EPHB2: variants seen among roughly 807,000 people sequenced by gnomAD.
EPHB2 encodes EPH receptor B2.
EPHB2 carries 18 observed loss-of-function variants against 96.4 expected under a neutral mutation model. The observed-to-expected ratio is 0.19, with a 90% confidence interval of 0.13 to 0.28. EPHB2 has a LOEUF of 0.28. Ranked by LOEUF, EPHB2 falls within the 10% of genes least tolerant of loss-of-function variation. The pLI is 1.00. For synonymous variants in EPHB2, 506 were observed against 534.1 expected, an observed-to-expected ratio of 0.95 and a Z score of 0.72; for missense variants, 989 against 1,355.4, an observed-to-expected ratio of 0.73 and a Z score of 4.25.
intron 3 of EPHB2, among the ~76,000 whole-genome samples, chr1:22,834,221 T>TC (rs1338508122): frequency 6.6e-6 from 1 of 152,026 alleles, no homozygotes; most frequent in Non-Finnish European, 1.5e-5. Context: ...TTACACTTTT[T>TC]CCCCCTCAGA....
intron 5 of EPHB2, among the ~76,000 whole-genome samples, chr1:22,882,088 A>T (rs1417519176): frequency 6.6e-6 from 1 of 152,108 alleles, no homozygotes; most frequent in Non-Finnish European, 1.5e-5. Context: ...ACTGTCTCTC[A>T]ACTTGATGTG....
chr1:22,854,511 C>T (rs1044844236), intron 3 of EPHB2, among the ~76,000 whole-genome samples: 2 of 152,042 alleles, frequency 1.3e-5, no homozygotes, highest in African/African-American at 4.8e-5. Context: ...GAACCTGTCT[C>T]AAAAGAAAGA....
chr1:22,906,202 G>A lies in EPHB2; in HGVS notation c.1888+93G>A, dbSNP rs1639909861. On this transcript the variant is annotated intron_variant, in intron 10 of 15. Coordinates refer to ENST00000374630, the MANE Select transcript of EPHB2 (RefSeq NM_017449.5). The surrounding 1 kb of genome is among the most constrained non-coding windows in gnomAD (Gnocchi z 4.8). ...ACCCTTGGGGCAGAAGGTAGGATGT[G>A]GGACAGGCGCCTCAAAGGACCCCCC... 2.5e-6 allele frequency: 4 copies of A among 1,590,218 alleles called. No homozygotes were observed. Among genetic ancestry groups the A allele is most frequent in the African/African-American group, 1.3e-5 (1 of 74,552 alleles).
chr1:22,845,244 A>G (rs773507389), intron 3 of EPHB2, among the ~76,000 whole-genome samples: 3 of 152,236 alleles, frequency 2.0e-5, no homozygotes, highest in Non-Finnish European at 4.4e-5. Context: ...GGGGATAATT[A>G]TAGTATAATT....
intron 3 of EPHB2, among the ~76,000 whole-genome samples, chr1:22,785,484 G>A (rs1213414508): frequency 2.0e-5 from 3 of 152,242 alleles, no homozygotes; most frequent in African/African-American, 4.8e-5. Context: ...TACTCTGTCA[G>A]TATAGACCAG....
chr1:22,792,640 T>C (rs904784411), intron 3 of EPHB2, among the ~76,000 whole-genome samples: 1 of 152,114 alleles, frequency 6.6e-6, no homozygotes, highest in African/African-American at 2.4e-5. Flanking sequence ...TCCACTGAAA[T>C]CATTCAGCTC....
In EPHB2 at chr1:22,906,225, C is replaced by T; in HGVS notation, c.1888+116C>T. 3 of 1,505,394 alleles carry T rather than the reference C, an allele frequency of 2.0e-6. No homozygotes were observed. The South Asian group carries it at 3.5e-5, about 18-fold the overall frequency. 93.3% of individuals were successfully genotyped at this position (1,505,394 alleles called of 1,614,324 possible). A position where few individuals can be genotyped will look rare whatever the true frequency, so the allele number is the denominator to read the frequency against. Reference sequence around the variant, plus strand: ...GTGGGACAGGCGCCTCAAAGGACCCCCCAAGGCCTGAAGGTTCAGAATGAC... The same window carrying T: ...GTGGGACAGGCGCCTCAAAGGACCCTCCAAGGCCTGAAGGTTCAGAATGAC... On this transcript the variant is annotated intron_variant, in intron 10 of 15. Coordinates refer to ENST00000374630, the MANE Select transcript of EPHB2 (RefSeq NM_017449.5). This position sits in a 1 kb window ranked among gnomAD's most constrained non-coding sequence, Gnocchi z 4.8.
In EPHB2 at chr1:22,919,333, C is replaced by A. The variant is rs930119405; in HGVS notation, c.*5763C>A. On this transcript the variant is annotated 3_prime_UTR_variant, in exon 16 of 16. Transcript: ENST00000374630. ...CCCTCAGGAATGTGCCCAGACAGAG[C>A]TAAGCTTTCAGGAAAATTAGAAAGA... The A allele has an allele frequency of 2.6e-5, 4 of 152,258 alleles. No homozygotes were observed. Among genetic ancestry groups the A allele is most frequent in the Non-Finnish European group, 5.9e-5 (4 of 68,066 alleles). 9.4% of individuals were successfully genotyped at this position (152,258 alleles called of 1,614,324 possible).
intron 3 of EPHB2, among the ~76,000 whole-genome samples, chr1:22,807,915 G>A (rs1433534023): frequency 6.6e-6 from 1 of 152,184 alleles, no homozygotes; most frequent in Non-Finnish European, 1.5e-5. Context: ...AGGCGGATTA[G>A]CTGAGGTCAG....
chr1:22,874,810 A>G (rs1638785393), intron 5 of EPHB2, among the ~76,000 whole-genome samples: 1 of 151,984 alleles, frequency 6.6e-6, no homozygotes, highest in Non-Finnish European at 1.5e-5. Flanking sequence ...TGTCTCCTGG[A>G]CCCAGTTTTT....
chr1:22,871,338 C>A (rs180810483), intron 5 of EPHB2, among the ~76,000 whole-genome samples: 65 of 152,284 alleles, frequency 4.3e-4, no homozygotes, highest in Non-Finnish European at 7.6e-4. Context: ...GCCTTTGAGG[C>A]CCCCTGTAAT....
chr1:22,805,486 C>T (rs2582032), intron 3 of EPHB2, among the ~76,000 whole-genome samples: 22,615 of 152,064 alleles, frequency 0.15, 2,313 homozygotes, highest in East Asian at 0.56. Context: ...AGGAGCTGAC[C>T]TCCCTCCCAC....
In EPHB2 at chr1:22,776,793, T is replaced by C. The variant is rs190060035; in HGVS notation, c.62-4628T>C. On this transcript the variant is annotated intron_variant, in intron 1 of 15. Transcript: ENST00000374630. ...AGTTGGAAATGGCTAAAGTCATTAA[T>C]GTTGTCTGTATGAAAGGCTCAAGCC... Among the ~76,000 whole-genome samples, 161 of 152,368 alleles carry C rather than the reference T, an allele frequency of 1.1e-3. 1 individual carries two copies. The highest frequency in any genetic ancestry group is 9.9e-3 in the South Asian group (48 of 4,828).
At chr1:22,739,734 A>T (rs1198388282) in intron 1 of EPHB2, among the ~76,000 whole-genome samples, 1 of 152,100 alleles carries the variant, frequency 6.6e-6, no homozygotes, top group African/African-American at 2.4e-5. Context: ...ACCCTTGGGG[A>T]GTCAGGGTGA....
chr1:22,746,816 C>T (rs1570198895), intron 1 of EPHB2, among the ~76,000 whole-genome samples: 1 of 152,130 alleles, frequency 6.6e-6, no homozygotes, highest in East Asian at 1.9e-4. Context: ...GGGATTCAGA[C>T]CCCGCTCTGA....
chr1:22,891,338 C>G, intron 6 of EPHB2: 1 of 364,756 alleles, frequency 2.7e-6, no homozygotes, highest in South Asian at 2.1e-5. Flanking sequence ...GTGTGACTGG[C>G]ATGTACAACT....
At chr1:22,832,014 A>G (rs956771101) in intron 3 of EPHB2, among the ~76,000 whole-genome samples, 3 of 152,202 alleles carry the variant, frequency 2.0e-5, no homozygotes, top group Admixed American at 6.5e-5. Flanking sequence ...CCAGGCCCCA[A>G]ATGGAGCAGC....
chr1:22,854,795 C>T (rs772422650), intron 3 of EPHB2, among the ~76,000 whole-genome samples: 1 of 152,112 alleles, frequency 6.6e-6, no homozygotes, highest in South Asian at 2.1e-4. Flanking sequence ...GCCCACAGTA[C>T]GGAGGAGGAC....
chr1:22,912,467 G>A lies in EPHB2; in HGVS notation c.2720G>A (p.Arg907His), dbSNP rs751080829. The change falls in exon 15 of 16, where the codon CGC (arginine) becomes CAC (histidine). Residue 907 changes from arginine to histidine, a missense_variant. Physicochemically the swap from Arg to His is conservative, Grantham distance 29. Coordinates refer to ENST00000374630, the MANE Select transcript of EPHB2 (RefSeq NM_017449.5). ...SSGINLPLLD[R>H]TIPDYTSFNT... is the part of the protein sequence containing the mutation. ...AGCATCAACCTGCCGCTGCTGGACCGCACGATCCCCGACTACACCAGCTTT... is the reference window on the plus strand; with the variant it reads ...AGCATCAACCTGCCGCTGCTGGACCACACGATCCCCGACTACACCAGCTTT... 7.4e-6 allele frequency: 12 copies of A among 1,613,916 alleles called. No homozygotes were observed. Among genetic ancestry groups the A allele is most frequent in the African/African-American group, 5.3e-5 (4 of 74,892 alleles).
Sources: gnomAD v4.1 joint callset for allele counts (sites outside exome capture counted in the v4.1 genomes callset) on GRCh38, gnomAD v4.1.1 for gene constraint, Gnocchi (gnomAD v3.1) non-coding constraint, MANE v1.5 for transcripts, NCBI Gene and HGNC (gene_info 2026-07-23, HGNC 2026-07-21) for gene names.